Variants in LGR5 observed in about 807,000 individuals in gnomAD.
LGR5 encodes the protein leucine rich repeat containing G protein-coupled receptor 5.
In LGR5, 54 loss-of-function variants were observed where a neutral mutation model predicts 76.7. That is an observed-to-expected ratio of 0.70 (90% CI 0.57 to 0.88). LGR5 has a LOEUF of 0.88. Ranked by LOEUF, LGR5 falls within the 40% of genes least tolerant of loss-of-function variation. The pLI, the probability that LGR5 is intolerant of heterozygous loss-of-function variation, is 0.00. For missense variants in LGR5, 1,078 were observed against 1,073.3 expected, an observed-to-expected ratio of 1.00 and a Z score of -0.06; for synonymous variants, 406 against 421.9, an observed-to-expected ratio of 0.96 and a Z score of 0.46.
intron 1 of LGR5, among the ~76,000 whole-genome samples, chr12:71,465,864 T>G (rs1441813714): frequency 6.6e-6 from 1 of 152,218 alleles, no homozygotes; most frequent in Non-Finnish European, 1.5e-5. Context: ...AAAGTCTAAA[T>G]AAAACTAATT....
chr12:71,448,078 C>CAA (rs1408690281), intron 1 of LGR5, among the ~76,000 whole-genome samples: 9 of 134,958 alleles, frequency 6.7e-5, no homozygotes, highest in African/African-American at 2.7e-4. Context: ...CCCTCACACA[C>CAA]ACACAAACAC....
At chr12:71,552,950 C>A in intron 4 of LGR5, 123 bp from the exon 5 acceptor site, 1 of 735,068 alleles carries the variant, frequency 1.4e-6, no homozygotes. Context: ...GATGTCAGGG[C>A]TCTCGGGGAC....
intron 1 of LGR5, among the ~76,000 whole-genome samples, chr12:71,491,139 G>A (rs895172377): frequency 1.3e-5 from 2 of 151,898 alleles, no homozygotes; most frequent in Admixed American, 6.5e-5. Flanking sequence ...CTATGATTAT[G>A]AGGCCTCCCC....
intron 2 of LGR5, among the ~76,000 whole-genome samples, chr12:71,522,090 G>A (rs67349474): frequency 0.049 from 7,495 of 152,252 alleles, 246 homozygotes; most frequent in Non-Finnish European, 0.074. Flanking sequence ...GGGGAATGTG[G>A]AGGGCATGTC....
At chr12:71,508,562 T>C (rs971433323) in intron 2 of LGR5, among the ~76,000 whole-genome samples, 1 of 152,008 alleles carries the variant, frequency 6.6e-6, no homozygotes, top group African/African-American at 2.4e-5. Flanking sequence ...GAGACCATCC[T>C]GGCCAATATG....
chr12:71,563,185 TCC>T (rs71453895), intron 8 of LGR5, among the ~76,000 whole-genome samples: 1 of 152,138 alleles, frequency 6.6e-6, no homozygotes, highest in Non-Finnish European at 1.5e-5. Context: ...GACCACTTTC[TCC>T]CATAAACTCT....
At chr12:71,494,506 T>C (rs74892609) in intron 1 of LGR5, among the ~76,000 whole-genome samples, 7,249 of 151,256 alleles carry the variant, frequency 0.048, 311 homozygotes, top group Middle Eastern at 0.11. Context: ...TCTTTTCCAT[T>C]ATGCCCCATA....
At chr12:71,444,307 T>C (rs1018944683) in intron 1 of LGR5, among the ~76,000 whole-genome samples, 5 of 152,080 alleles carry the variant, frequency 3.3e-5, no homozygotes, top group African/African-American at 9.7e-5. Context: ...TGCCAGTAAA[T>C]TTTCTTCATT....
chr12:71,576,091 T>A (rs1878843047), intron 13 of LGR5, among the ~76,000 whole-genome samples: 1 of 151,788 alleles, frequency 6.6e-6, no homozygotes, highest in African/African-American at 2.4e-5. Flanking sequence ...CCTATCAGGG[T>A]GGCAGGGGGA....
intron 1 of LGR5, among the ~76,000 whole-genome samples, chr12:71,501,890 A>G (rs1428173978): frequency 6.6e-6 from 1 of 152,218 alleles, no homozygotes; most frequent in Non-Finnish European, 1.5e-5. Context: ...ACATCAATGT[A>G]AAAGTGCACA....
chr12:71,582,202 C>A (rs1342993712), intron 16 of LGR5: 8 of 399,892 alleles, frequency 2.0e-5, no homozygotes, highest in Non-Finnish European at 3.7e-5. Flanking sequence ...GGAACACGAG[C>A]AGAATGAGAG....
chr12:71,583,867 C>G lies in LGR5; in HGVS notation c.1857C>G (p.Phe619Leu), dbSNP rs537056593. The G allele has an allele frequency of 1.9e-6, 3 of 1,614,120 alleles. No individual in the cohort carries two copies. In the South Asian group the frequency reaches 3.3e-5, roughly 18 times the overall value. ...SSAVLAGVDA[F>L]TFGSFARHGA... ...CCGTGCTGGCTGGTGTGGATGCGTT[C>G]ACTTTTGGCAGCTTTGCACGACATG... Residue 619 changes from phenylalanine to leucine, a missense_variant, in exon 18 of 18, where the codon TTC (phenylalanine) becomes TTG (leucine). Transcript: ENST00000266674.
At chr12:71,504,486 C>T in intron 1 of LGR5, 128 bp from the exon 2 acceptor site, 2 of 772,612 alleles carry the variant, frequency 2.6e-6, no homozygotes, top group Non-Finnish European at 4.7e-6. Flanking sequence ...TGTAGAATAG[C>T]AATTCATTTG....
In LGR5 at chr12:71,582,231, C is replaced by T. The variant is rs138257818; in HGVS notation, c.1553-225C>T. On this transcript the variant is annotated intron_variant, in intron 16 of 17. Transcript: ENST00000266674. ...ATGAGAGTTTAGATGTTACACCCGG[C>T]GTCTTGGGTCACTCTCCCTCACCCC... 1.0e-4 allele frequency: 48 copies of T among 459,722 alleles called. No homozygotes were observed. The Middle Eastern group carries it at 5.5e-3, about 52-fold the overall frequency. The allele number at this position is 459,722 out of a possible 1,614,324, so 28.5% of individuals were successfully genotyped here.
intron 1 of LGR5, among the ~76,000 whole-genome samples, chr12:71,447,130 A>G (rs1051788923): frequency 2.0e-5 from 3 of 152,234 alleles, no homozygotes; most frequent in South Asian, 2.1e-4. Context: ...GATGCGATAC[A>G]TTGTTGTCAC....
intron 1 of LGR5, among the ~76,000 whole-genome samples, chr12:71,453,915 T>C (rs1872353686): frequency 6.6e-6 from 1 of 152,046 alleles, no homozygotes; most frequent in African/African-American, 2.4e-5. Flanking sequence ...GCTAATATCA[T>C]TCCCTGAGAA....
intron 1 of LGR5, among the ~76,000 whole-genome samples, chr12:71,467,587 A>G (rs1374581591): frequency 6.6e-6 from 1 of 152,182 alleles, no homozygotes; most frequent in East Asian, 1.9e-4. Flanking sequence ...AGTGTTTGCT[A>G]AGGAAAGTAT....
chr12:71,467,092 C>T (rs1178033759), intron 1 of LGR5, among the ~76,000 whole-genome samples: 3 of 151,850 alleles, frequency 2.0e-5, no homozygotes, highest in African/African-American at 2.4e-5. Flanking sequence ...GACATCAAAC[C>T]GGTGGGGTTT....
intron 11 of LGR5, among the ~76,000 whole-genome samples, chr12:71,569,677 C>T (rs1489960325): frequency 3.3e-5 from 5 of 152,100 alleles, no homozygotes; most frequent in Non-Finnish European, 7.4e-5. Context: ...GGCAAGGTTG[C>T]AGAGAAATAG....
Sources: allele counts gnomAD v4.1 joint callset (sites outside exome capture counted in the v4.1 genomes callset), GRCh38; gene constraint gnomAD v4.1.1; transcripts MANE v1.5; gene names NCBI Gene and HGNC (gene_info 2026-07-23, HGNC 2026-07-21).